LYPLAL1: variants seen among roughly 807,000 people sequenced by gnomAD.
LYPLAL1 encodes lysophospholipase like 1.
Under a neutral mutation model 19.7 loss-of-function variants are expected in LYPLAL1, and 23 were observed. That is an observed-to-expected ratio of 1.17 (90% CI 0.84 to 1.65). The LOEUF (loss-of-function observed/expected upper bound fraction) is 1.65, where lower values mean the gene tolerates loss of function less well. LYPLAL1 is among the 40% of genes most tolerant of loss of function. The pLI is 0.00. For synonymous variants in LYPLAL1, 119 were observed against 96.3 expected, an observed-to-expected ratio of 1.24 and a Z score of -1.38; for missense variants, 355 against 279.4, an observed-to-expected ratio of 1.27 and a Z score of -1.93.
At chr1:219,322,320 T>C in the LYPLAL1 span, among the ~76,000 whole-genome samples, 7 of 152,136 alleles carry the variant, frequency 4.6e-5, no homozygotes, top group Non-Finnish European at 8.8e-5. Flanking sequence ...TTAAAAGGGA[T>C]GTAGGAGCTG....
At chr1:219,189,750 G>T (rs1210921774) in intron 2 of LYPLAL1, among the ~76,000 whole-genome samples, 1 of 151,622 alleles carries the variant, frequency 6.6e-6, no homozygotes, top group South Asian at 2.1e-4. Flanking sequence ...CTCCTCATAG[G>T]TTTATGTCAT....
chr1:219,287,382 C>T, the LYPLAL1 span, among the ~76,000 whole-genome samples: 1 of 152,170 alleles, frequency 6.6e-6, no homozygotes, highest in South Asian at 2.1e-4. Flanking sequence ...TTTGAAAAAT[C>T]ATATTTTCCT....
intron 4 of LYPLAL1, 86 bp downstream of exon 4, chr1:219,210,733 A>C (rs1658967278): frequency 1.6e-6 from 2 of 1,249,168 alleles, no homozygotes; most frequent in Non-Finnish European, 2.2e-6. Flanking sequence ...AAAGCTGTAA[A>C]ACACACACAC....
the LYPLAL1 span, chr1:219,272,087 G>A: frequency 7.2e-5 from 11 of 152,266 alleles, no homozygotes; most frequent in Admixed American, 2.6e-4. Context: ...TCCTGGAAAC[G>A]AGATAGTCAT....
chr1:219,374,925 T>C, the LYPLAL1 span, among the ~76,000 whole-genome samples: 12 of 152,282 alleles, frequency 7.9e-5, no homozygotes, highest in African/African-American at 2.6e-4. Flanking sequence ...CCCAAATTAC[T>C]TGGGGGGATG....
At chr1:219,386,389 A>G in the LYPLAL1 span, among the ~76,000 whole-genome samples, 2 of 152,142 alleles carry the variant, frequency 1.3e-5, no homozygotes, top group African/African-American at 4.8e-5. Flanking sequence ...CATAACCAAT[A>G]TATTTCCCTG....
intron 2 of LYPLAL1, among the ~76,000 whole-genome samples, chr1:219,189,638 G>T (rs1437229181): frequency 6.6e-6 from 1 of 151,420 alleles, no homozygotes; most frequent in Non-Finnish European, 1.5e-5. Context: ...ATGCTTATTG[G>T]AGTCCTAGTA....
the LYPLAL1 span, among the ~76,000 whole-genome samples, chr1:219,433,996 AG>A: frequency 6.6e-6 from 1 of 152,206 alleles, no homozygotes; most frequent in Non-Finnish European, 1.5e-5. Context: ...TTCATTAACA[AG>A]TAAGAGAAAG....
At chr1:219,316,779 A>C in the LYPLAL1 span, among the ~76,000 whole-genome samples, 7 of 152,212 alleles carry the variant, frequency 4.6e-5, no homozygotes, top group African/African-American at 1.7e-4. Context: ...ACATTAAATG[A>C]AATAAGCCAG....
chr1:219,410,778 G>C, the LYPLAL1 span, among the ~76,000 whole-genome samples: 5 of 152,216 alleles, frequency 3.3e-5, no homozygotes, highest in African/African-American at 4.8e-5. Context: ...CCGGGCAATG[G>C]GGGACTTAGC....
intron 2 of LYPLAL1, among the ~76,000 whole-genome samples, chr1:219,184,784 C>T (rs897988018): frequency 6.6e-6 from 1 of 151,706 alleles, no homozygotes; most frequent in African/African-American, 2.4e-5. Flanking sequence ...TGGGATAAAC[C>T]CTTTTGTAAT....
chr1:219,382,730 T>C, the LYPLAL1 span, among the ~76,000 whole-genome samples: 1 of 152,188 alleles, frequency 6.6e-6, no homozygotes, highest in East Asian at 1.9e-4. Context: ...CACATAATGC[T>C]TAAATAAACC....
At chr1:219,295,484 A>G in the LYPLAL1 span, among the ~76,000 whole-genome samples, 2 of 152,214 alleles carry the variant, frequency 1.3e-5, no homozygotes, top group Non-Finnish European at 2.9e-5. Flanking sequence ...TAAATTCAGT[A>G]TTGAAAAGAG....
chr1:219,258,427 C>T, the LYPLAL1 span, among the ~76,000 whole-genome samples: 2 of 152,018 alleles, frequency 1.3e-5, no homozygotes, highest in African/African-American at 2.4e-5. Flanking sequence ...TGCCATGGCT[C>T]CAGCCAGTCC....
At chr1:219,439,609 A>G in the LYPLAL1 span, among the ~76,000 whole-genome samples, 2 of 152,152 alleles carry the variant, frequency 1.3e-5, no homozygotes, top group Non-Finnish European at 2.9e-5. Context: ...TTAGAATACT[A>G]TGGACACTCC....
At chr1:219,324,437 T>G in the LYPLAL1 span, among the ~76,000 whole-genome samples, 2 of 152,148 alleles carry the variant, frequency 1.3e-5, no homozygotes, top group Admixed American at 1.3e-4. Context: ...TCTATCCAAA[T>G]ATAAAGAACA....
At chr1:219,414,970 G>A in the LYPLAL1 span, among the ~76,000 whole-genome samples, 2 of 152,220 alleles carry the variant, frequency 1.3e-5, no homozygotes, top group Non-Finnish European at 2.9e-5. Context: ...TCCAGCATAT[G>A]AATAGAAAAA....
At chr1:219,378,517 A>G in the LYPLAL1 span, among the ~76,000 whole-genome samples, 1 of 152,150 alleles carries the variant, frequency 6.6e-6, no homozygotes, top group South Asian at 2.1e-4. Flanking sequence ...CAGCCAAACC[A>G]TATCAGCAAG....
the LYPLAL1 span, among the ~76,000 whole-genome samples, chr1:219,344,353 G>T: frequency 1.3e-5 from 2 of 152,128 alleles, no homozygotes; most frequent in African/African-American, 4.8e-5. Flanking sequence ...TCTGGGCATT[G>T]CACGATTCTC....
Sources: allele counts gnomAD v4.1 joint callset (sites outside exome capture counted in the v4.1 genomes callset), GRCh38; gene constraint gnomAD v4.1.1; transcripts MANE v1.5; gene names NCBI Gene and HGNC (gene_info 2026-07-23, HGNC 2026-07-21).